Variants in RANBP2 observed in about 807,000 individuals in gnomAD.
The protein encoded by RANBP2 is E3 SUMO-protein ligase RanBP2.
A neutral mutation model predicts 303.6 loss-of-function variants in RANBP2; 57 were observed. That is an observed-to-expected ratio of 0.19 (90% CI 0.15 to 0.23). The LOEUF is 0.23. RANBP2 is among the 10% of genes least tolerant of loss of function. The pLI is 1.00. For missense variants in RANBP2, 3,138 were observed against 3,780.8 expected (o/e 0.83, Z 4.46); for synonymous variants, 1,167 against 1,301.5 (o/e 0.90, Z 2.23).
chr2:109,613,891 G>C, the RANBP2 span: 1 of 1,229,410 alleles, frequency 8.1e-7, no homozygotes, highest in East Asian at 3.2e-5. Context: ...TGGTCCCGGC[G>C]ACGGCGGCGG....
the RANBP2 span, among the ~76,000 whole-genome samples, chr2:109,316,396 C>T: frequency 1.3e-5 from 2 of 152,222 alleles, no homozygotes; most frequent in African/African-American, 4.8e-5. Flanking sequence ...ATGTTTCTCC[C>T]TGGCTCTGGC....
the RANBP2 span, among the ~76,000 whole-genome samples, chr2:109,132,462 C>T: frequency 3.3e-5 from 5 of 152,302 alleles, no homozygotes; most frequent in Admixed American, 2.6e-4. Context: ...AGTCCCCTGA[C>T]GTGGTTAGCA....
At chr2:108,737,540 G>A (rs1171324915) in intron 6 of RANBP2, among the ~76,000 whole-genome samples, 1 of 142,822 alleles carries the variant, frequency 7.0e-6, no homozygotes, top group Non-Finnish European at 1.5e-5. Flanking sequence ...GGTTCAGGAT[G>A]GTCTCAAGCT....
chr2:108,747,251 A>AT (rs1215204537), intron 8 of RANBP2, among the ~76,000 whole-genome samples: 14 of 152,110 alleles, frequency 9.2e-5, no homozygotes, highest in African/African-American at 3.4e-4. Flanking sequence ...GAATTTGTGG[A>AT]TTTTTTCCCC....
the RANBP2 span, among the ~76,000 whole-genome samples, chr2:109,041,100 A>C: frequency 6.6e-6 from 1 of 152,158 alleles, no homozygotes; most frequent in Non-Finnish European, 1.5e-5. Flanking sequence ...TTTTAATCTC[A>C]AATTTCTTTT....
At chr2:109,452,718 C>T in the RANBP2 span, among the ~76,000 whole-genome samples, 114 of 152,062 alleles carry the variant, frequency 7.5e-4, no homozygotes, top group Admixed American at 2.6e-3. Flanking sequence ...GGCTGGTTCC[C>T]GGGAGGCTTG....
rs2557924 is a variant in RANBP2 at position 108,735,732 on chromosome 2, A to G, written c.606A>G (p.Glu202=). The G allele has an allele frequency of 3.0e-5, 48 of 1,597,438 alleles. No individual in the cohort carries two copies. Among genetic ancestry groups the G allele is most frequent in the African/African-American group, 2.8e-4 (21 of 74,850 alleles). Residue 202 remains glutamate (E), a synonymous_variant, in exon 5 of 29, where the codon GAA becomes GAG. Coordinates refer to ENST00000283195, the MANE Select transcript of RANBP2 (RefSeq NM_006267.5). ...ACATAGCTTTGCGTTCAAGTTTAGA[A>G]TGGAATTCGTGTGTTGTACAGACCC... ...ERNIALRSSL[E]WNSCVVQTLK... is the part of the protein sequence containing the mutation.
the RANBP2 span, among the ~76,000 whole-genome samples, chr2:109,253,160 TG>T: frequency 6.6e-6 from 1 of 152,122 alleles, no homozygotes; most frequent in Admixed American, 6.6e-5. Context: ...TCTGAGTAGC[TG>T]GGATTACAGC....
At chr2:109,470,183 G>T in the RANBP2 span, among the ~76,000 whole-genome samples, 3 of 152,134 alleles carry the variant, frequency 2.0e-5, no homozygotes, top group Non-Finnish European at 4.4e-5. Flanking sequence ...CTCACCAAAG[G>T]CTCCTGGGAC....
At chr2:109,326,384 G>A in the RANBP2 span, among the ~76,000 whole-genome samples, 1 of 152,006 alleles carries the variant, frequency 6.6e-6, no homozygotes, top group Non-Finnish European at 1.5e-5. Context: ...TCATGTAGAA[G>A]TACATCCTTA....
At chr2:108,869,686 A>G in the RANBP2 span, among the ~76,000 whole-genome samples, 1 of 152,122 alleles carries the variant, frequency 6.6e-6, no homozygotes, top group Non-Finnish European at 1.5e-5. Flanking sequence ...CAGAGGAAAC[A>G]AGAAAAAAAG....
the RANBP2 span, among the ~76,000 whole-genome samples, chr2:109,151,193 G>T: frequency 6.6e-6 from 1 of 152,188 alleles, no homozygotes; most frequent in Non-Finnish European, 1.5e-5. Flanking sequence ...TTGAAAATAT[G>T]TGTCCAGTGG....
the RANBP2 span, among the ~76,000 whole-genome samples, chr2:109,289,203 G>A: frequency 6.6e-6 from 1 of 152,142 alleles, no homozygotes; most frequent in South Asian, 2.1e-4. Flanking sequence ...TTTCTCTGCT[G>A]TCATATGACT....
chr2:108,947,344 G>A, the RANBP2 span, among the ~76,000 whole-genome samples: 9 of 152,148 alleles, frequency 5.9e-5, no homozygotes, highest in Non-Finnish European at 1.3e-4. Context: ...CAAGTGCATG[G>A]TGCAAGCTGT....
At chr2:109,360,216 A>T in the RANBP2 span, among the ~76,000 whole-genome samples, 1 of 152,218 alleles carries the variant, frequency 6.6e-6, no homozygotes, top group Non-Finnish European at 1.5e-5. Flanking sequence ...GTTACTCTGA[A>T]CATGTAATTT....
chr2:109,458,990 T>C, the RANBP2 span, among the ~76,000 whole-genome samples: 1 of 152,156 alleles, frequency 6.6e-6, no homozygotes, highest in Non-Finnish European at 1.5e-5. Context: ...TATACTTAGT[T>C]TCCACATAAA....
the RANBP2 span, among the ~76,000 whole-genome samples, chr2:109,435,319 C>T: frequency 6.6e-6 from 1 of 152,224 alleles, no homozygotes; most frequent in Non-Finnish European, 1.5e-5. Flanking sequence ...GCTGTGCCCC[C>T]AGGACTTATA....
At chr2:109,299,312 T>C in the RANBP2 span, among the ~76,000 whole-genome samples, 1 of 152,356 alleles carries the variant, frequency 6.6e-6, no homozygotes, top group South Asian at 2.1e-4. Context: ...AGATGAAAAT[T>C]TGAAGCTTGC....
chr2:109,271,857 T>C, the RANBP2 span, among the ~76,000 whole-genome samples: 1 of 152,246 alleles, frequency 6.6e-6, no homozygotes, highest in Admixed American at 6.5e-5. Context: ...AACTGGAGTA[T>C]TGAATGCGGC....
Sources: allele counts gnomAD v4.1 joint callset (sites outside exome capture counted in the v4.1 genomes callset), GRCh38; gene constraint gnomAD v4.1.1; transcripts MANE v1.5; gene names NCBI Gene and HGNC (gene_info 2026-07-23, HGNC 2026-07-21).